MSH3: variants seen among roughly 807,000 people sequenced by gnomAD.
The protein encoded by MSH3 is DNA mismatch repair protein Msh3.
Under a neutral mutation model 123.3 loss-of-function variants are expected in MSH3, and 106 were observed. The observed-to-expected ratio is 0.86, with a 90% CI of 0.73 to 1.01. The LOEUF (loss-of-function observed/expected upper bound fraction) is 1.01. Ranked by LOEUF, MSH3 falls within the 50% of genes least tolerant of loss-of-function variation. MSH3 has a pLI of 0.00. For missense variants in MSH3, 1,459 were observed against 1,347.6 expected, an observed-to-expected ratio of 1.08 and a Z score of -1.29; for synonymous variants, 515 against 481.4, an observed-to-expected ratio of 1.07 and a Z score of -0.91.
At chr5:80,772,375 G>A (rs927853442) in intron 15 of MSH3, among the ~76,000 whole-genome samples, 4 of 152,160 alleles carry the variant, frequency 2.6e-5, no homozygotes, top group African/African-American at 9.7e-5. Context: ...TTGGAGGAAT[G>A]GGTTAAGTGT....
At chr5:80,720,010 C>G (rs1218924223) in intron 8 of MSH3, among the ~76,000 whole-genome samples, 1 of 152,036 alleles carries the variant, frequency 6.6e-6, no homozygotes, top group Non-Finnish European at 1.5e-5. Flanking sequence ...GGTGATGCTA[C>G]TGGTCTGGTG....
rs1474053571 is a variant in MSH3 at position 80,725,564 on chromosome 5, A to G, written c.1452A>G (p.Lys484=). The change falls in exon 9 of 24, where the codon AAA becomes AAG. Residue 484 remains lysine, a splice_region_variant and synonymous_variant. Coordinates refer to ENST00000265081, the MANE Select transcript of MSH3 (RefSeq NM_002439.5). Reference sequence around the variant, plus strand: ...ATGCAAAAGATACAGTTGACATCAAAGGTAAATATTTTCCCTGTATGTCCT... The same window carrying G: ...ATGCAAAAGATACAGTTGACATCAAGGGTAAATATTTTCCCTGTATGTCCT... ...EFYAKDTVDI[K]GSQIISGIVN... 1.2e-6 allele frequency: 2 copies of G among 1,605,876 alleles called. No homozygotes were observed. Among genetic ancestry groups the G allele is most frequent in the East Asian group, 4.5e-5 (2 of 44,786 alleles).
chr5:80,852,697 A>G (rs1459857162), intron 20 of MSH3, among the ~76,000 whole-genome samples: 1 of 152,220 alleles, frequency 6.6e-6, no homozygotes, highest in Admixed American at 6.5e-5. Context: ...CAATTTCTCA[A>G]TGCCGCTAGT....
At chr5:80,658,002 G>A (rs1749329049) in intron 2 of MSH3, among the ~76,000 whole-genome samples, 1 of 138,540 alleles carries the variant, frequency 7.2e-6, no homozygotes, top group South Asian at 2.2e-4. Flanking sequence ...GCTTTTTGTA[G>A]CTCATTTATT....
chr5:80,834,928 AC>A (rs1221385666), intron 20 of MSH3, among the ~76,000 whole-genome samples: 2 of 152,182 alleles, frequency 1.3e-5, no homozygotes, highest in African/African-American at 2.4e-5. Context: ...CTTGTCTGCC[AC>A]AGATTAGCCC....
chr5:80,758,724 T>C (rs1004114632), intron 12 of MSH3, among the ~76,000 whole-genome samples: 9 of 152,348 alleles, frequency 5.9e-5, no homozygotes, highest in African/African-American at 2.2e-4. Flanking sequence ...TTTATAGTTT[T>C]ATATCTATTA....
At chr5:80,739,098 G>C (rs1000463142) in intron 10 of MSH3, among the ~76,000 whole-genome samples, 1 of 152,202 alleles carries the variant, frequency 6.6e-6, no homozygotes, top group Admixed American at 6.5e-5. Context: ...AAAGATGCCA[G>C]CTAAGCACCG....
chr5:80,655,474 T>G (rs918830690), intron 1 of MSH3: 4 of 208,036 alleles, frequency 1.9e-5, no homozygotes, highest in Non-Finnish European at 3.9e-5. Context: ...TTTTGTAGTT[T>G]AGATTATAAA....
intron 20 of MSH3, among the ~76,000 whole-genome samples, chr5:80,844,217 G>A (rs1745677417): frequency 6.6e-6 from 1 of 152,094 alleles, no homozygotes; most frequent in African/African-American, 2.4e-5. Context: ...TTTTGAGTGA[G>A]TTTCTTAATC....
chr5:80,807,850 G>A (rs931469219), intron 19 of MSH3, among the ~76,000 whole-genome samples: 1 of 152,122 alleles, frequency 6.6e-6, no homozygotes, highest in Admixed American at 6.5e-5. Flanking sequence ...AACCTAACTT[G>A]TACATCTTTG....
At chr5:80,823,715 T>C in intron 20 of MSH3, among the ~76,000 whole-genome samples, 1 of 152,194 alleles carries the variant, frequency 6.6e-6, no homozygotes, top group South Asian at 2.1e-4. Flanking sequence ...GTTTTGTTTT[T>C]ATTGATCATT....
intron 15 of MSH3, among the ~76,000 whole-genome samples, chr5:80,775,492 C>G (rs1454959372): frequency 6.6e-6 from 1 of 152,000 alleles, no homozygotes; most frequent in African/African-American, 2.4e-5. Context: ...TTATGCAATA[C>G]AAATTGTACT....
At chr5:80,761,040 A>T (rs917878823) in intron 12 of MSH3, among the ~76,000 whole-genome samples, 1 of 152,172 alleles carries the variant, frequency 6.6e-6, no homozygotes, top group Non-Finnish European at 1.5e-5. Context: ...AGAGGCATGG[A>T]AGGACCAGAT....
intron 4 of MSH3, 102 bp downstream of exon 4, chr5:80,670,411 T>G (rs1272750026): frequency 8.4e-7 from 1 of 1,189,870 alleles, no homozygotes; most frequent in Non-Finnish European, 1.2e-6. Flanking sequence ...AAAGCTGATT[T>G]GATCAATCAC....
chr5:80,703,141 T>C (rs903007169), intron 8 of MSH3, among the ~76,000 whole-genome samples: 2 of 152,248 alleles, frequency 1.3e-5, no homozygotes, highest in Non-Finnish European at 2.9e-5. Flanking sequence ...TTATTTAATA[T>C]GTCCATAATA....
Position 80,875,941 on chromosome 5 carries a change from A to G in MSH3, c.*79A>G, listed in dbSNP as rs373530451. On this transcript the variant is annotated 3_prime_UTR_variant, in exon 24 of 24. Transcript: ENST00000265081. Reference sequence around the variant, plus strand: ...CAAAATAACTCTCCAGTAACAGCCTATCTTTGTGTGACATGTGAGCATAAA... The same window carrying G: ...CAAAATAACTCTCCAGTAACAGCCTGTCTTTGTGTGACATGTGAGCATAAA... 14 of 855,130 alleles carry G rather than the reference A, an allele frequency of 1.6e-5. No homozygotes were observed. Among genetic ancestry groups the G allele is most frequent in the East Asian group, 5.2e-5 (2 of 38,240 alleles). 53.0% of individuals were successfully genotyped at this position (855,130 alleles called of 1,614,324 possible). A position where few individuals can be genotyped will look rare whatever the true frequency, so the allele number is the denominator to read the frequency against.
chr5:80,672,961 T>G, intron 6 of MSH3, 103 bp downstream of exon 6: 1 of 892,642 alleles, frequency 1.1e-6, no homozygotes, highest in South Asian at 1.3e-5. Context: ...TTTGGGAACT[T>G]TTTAGATGAG....
At chr5:80,726,137 A>G (rs1743299465) in intron 9 of MSH3, among the ~76,000 whole-genome samples, 1 of 152,208 alleles carries the variant, frequency 6.6e-6, no homozygotes, top group Admixed American at 6.5e-5. Context: ...TCACATGTCC[A>G]CAATCAGGCA....
chr5:80,715,008 G>A, intron 8 of MSH3, among the ~76,000 whole-genome samples: 1 of 152,166 alleles, frequency 6.6e-6, no homozygotes, highest in East Asian at 1.9e-4. Flanking sequence ...GCTTATGCCT[G>A]CCTAGGCTTG....
Sources: gnomAD v4.1 joint callset for allele counts (sites outside exome capture counted in the v4.1 genomes callset) on GRCh38, gnomAD v4.1.1 for gene constraint, MANE v1.5 for transcripts, NCBI Gene and HGNC (gene_info 2026-07-23, HGNC 2026-07-21) for gene names.